ADAMTS16: variants seen among roughly 807,000 people sequenced by gnomAD.
The protein encoded by ADAMTS16 is ADAM metallopeptidase with thrombospondin type 1 motif 16, also known as A disintegrin and metalloproteinase with thrombospondin motifs 16.
In ADAMTS16, 94 loss-of-function variants were observed where a neutral mutation model predicts 145.8. The observed-to-expected ratio is 0.64, with a 90% CI of 0.55 to 0.77. The LOEUF (loss-of-function observed/expected upper bound fraction) is 0.77, where lower values mean the gene tolerates loss of function less well. Among genes scored for constraint, ADAMTS16 ranks in the 30% least tolerant of loss-of-function variants. The pLI is 0.00. For synonymous variants in ADAMTS16, 659 were observed against 604.3 expected, an observed-to-expected ratio of 1.09 and a Z score of -1.33; for missense variants, 1,585 against 1,591.5, an observed-to-expected ratio of 1.00 and a Z score of 0.07.
At chr5:5,197,313 A>G (rs1735832167) in intron 8 of ADAMTS16, among the ~76,000 whole-genome samples, 1 of 152,232 alleles carries the variant, frequency 6.6e-6, no homozygotes, top group Non-Finnish European at 1.5e-5. Context: ...AATATTGTAG[A>G]AGATGATAAA....
intron 18 of ADAMTS16, among the ~76,000 whole-genome samples, chr5:5,276,275 A>C (rs943305655): frequency 2.0e-5 from 3 of 152,160 alleles, no homozygotes; most frequent in South Asian, 2.1e-4. Context: ...TCTTTTCTTC[A>C]TCTTACCGTT....
At position 5,191,707 on chromosome 5, in the gene ADAMTS16, G is replaced by T; in HGVS notation, c.1230G>T (p.Met410Ile). The change falls in exon 8 of 23, where the codon ATG (methionine) becomes ATT (isoleucine). Residue 410 changes from methionine to isoleucine, a missense_variant. Met to Ile is a conservative substitution (Grantham distance 10). Transcript: ENST00000274181. Reference sequence around the variant, plus strand: ...CAGGATTTGCACCCATAAGTGGAATGTGTAGTAAATATCGCAGCTGCACGA... The same window carrying T: ...CAGGATTTGCACCCATAAGTGGAATTTGTAGTAAATATCGCAGCTGCACGA... ...DTLGFAPISG[M>I]CSKYRSCTIN... 6.2e-7 allele frequency: 1 copy of T among 1,613,610 alleles called. No individual in the cohort carries two copies. Among genetic ancestry groups the T allele is most frequent in the Non-Finnish European group, 8.5e-7 (1 of 1,179,646 alleles).
intron 16 of ADAMTS16, among the ~76,000 whole-genome samples, chr5:5,240,855 A>G (rs1434914588): frequency 6.6e-6 from 1 of 152,182 alleles, no homozygotes. Flanking sequence ...TGATCAATTT[A>G]TCTTGAATTC....
rs566789476 is a variant in ADAMTS16 at position 5,304,282 on chromosome 5, G to A, written c.3186+516G>A. ...AATCGATCACCTGTTGCTGCAGGAG[G>A]CTGGGAAGCCGTTTCCTCTACACCA... On this transcript the variant is annotated intron_variant, in intron 20 of 22. Transcript: ENST00000274181. 1.2e-3 allele frequency among the ~76,000 whole-genome samples: 183 copies of A among 152,294 alleles called. 1 individual carries two copies. The highest frequency in any genetic ancestry group is 3.6e-3 in the African/African-American group (151 of 41,566).
At chr5:5,155,881 C>T (rs766252250) in intron 3 of ADAMTS16, among the ~76,000 whole-genome samples, 12 of 152,050 alleles carry the variant, frequency 7.9e-5, no homozygotes, top group Non-Finnish European at 1.5e-4. Context: ...ACAGAAAGTC[C>T]ACAGGGGTTA....
At chr5:5,224,378 C>T (rs1736692941) in intron 11 of ADAMTS16, among the ~76,000 whole-genome samples, 3 of 152,170 alleles carry the variant, frequency 2.0e-5, no homozygotes. Context: ...CAACCTCCGC[C>T]TCCCAGGTTC....
intron 8 of ADAMTS16, among the ~76,000 whole-genome samples, chr5:5,199,834 T>C (rs1735908077): frequency 6.6e-6 from 1 of 152,144 alleles, no homozygotes; most frequent in Non-Finnish European, 1.5e-5. Context: ...AGAGCAGTGT[T>C]AGCCTAATCA....
In ADAMTS16 at chr5:5,212,189, G is replaced by GTTTTTTTTTTTTTTTTTT. The variant is rs200419820; in HGVS notation, c.1605+2943_1605+2944insTTTTTTTTTTTTTTTTTT. On this transcript the variant is annotated intron_variant, in intron 10 of 22. Transcript: ENST00000274181. Reference sequence around the variant, plus strand: ...TCATGTTAGTACTATTAGTTTCTGGGGTTTTTTTTGTTTTGTTTTGTTTTG... The same window carrying GTTTTTTTTTTTTTTTTTT: ...TCATGTTAGTACTATTAGTTTCTGGGTTTTTTTTTTTTTTTTTTGTTTTTTTTGTTTTGTTTTGTTTTG... 2.0e-5 allele frequency among the ~76,000 whole-genome samples: 2 copies of GTTTTTTTTTTTTTTTTTT among 98,718 alleles called. 1 individual carries two copies. The allele number at this position is 98,718 out of a possible 152,430, so 64.8% of individuals were successfully genotyped here.
chr5:5,175,178 A>T (rs1735152838), intron 3 of ADAMTS16, among the ~76,000 whole-genome samples: 1 of 152,126 alleles, frequency 6.6e-6, no homozygotes, highest in South Asian at 2.1e-4. Context: ...CCTGGGTACC[A>T]CTGCTGATTA....
chr5:5,162,454 C>A (rs1734765068), intron 3 of ADAMTS16, among the ~76,000 whole-genome samples: 1 of 152,178 alleles, frequency 6.6e-6, no homozygotes, highest in African/African-American at 2.4e-5. Context: ...GTTATCTCCT[C>A]CCAGGAACAT....
chr5:5,272,555 T>C (rs964456956), intron 18 of ADAMTS16, among the ~76,000 whole-genome samples: 29 of 151,732 alleles, frequency 1.9e-4, no homozygotes, highest in African/African-American at 6.8e-4. Flanking sequence ...TTAGTAGAGA[T>C]GGGGTTTCAC....
chr5:5,269,721 G>T lies in ADAMTS16; in HGVS notation c.2789+6938G>T, dbSNP rs537485249. ...TGGTTCCTGTTGTTTTTCTGGCTGG[G>T]TCTCCTCTGCCTCCACCTCTCTACG... is the stretch of plus-strand genomic sequence containing the variant. On this transcript the variant is annotated intron_variant, in intron 18 of 22. Coordinates refer to ENST00000274181, the MANE Select transcript of ADAMTS16 (RefSeq NM_139056.4). The surrounding 1 kb of genome is among the most constrained non-coding windows in gnomAD (Gnocchi z 4.3). Among the ~76,000 whole-genome samples the T allele has an allele frequency of 3.3e-5, 5 of 152,112 alleles. No individual in the cohort carries two copies. Among genetic ancestry groups the T allele is most frequent in the Admixed American group, 2.6e-4 (4 of 15,274 alleles).
At chr5:5,250,907 C>T (rs1316280580) in intron 17 of ADAMTS16, among the ~76,000 whole-genome samples, 2 of 152,122 alleles carry the variant, frequency 1.3e-5, no homozygotes, top group Admixed American at 6.6e-5. Flanking sequence ...CCATTCGTCC[C>T]TTTAGGCCTT....
intron 16 of ADAMTS16, 127 bp from the exon 17 acceptor site, chr5:5,241,926 T>G: frequency 8.9e-7 from 1 of 1,128,740 alleles, no homozygotes; most frequent in East Asian, 2.5e-5. Context: ...ATAGTCTGAA[T>G]GTATTTTATC....
At chr5:5,215,960 G>A (rs1199014325) in intron 10 of ADAMTS16, among the ~76,000 whole-genome samples, 1 of 141,502 alleles carries the variant, frequency 7.1e-6, no homozygotes, top group Non-Finnish European at 1.5e-5. Context: ...ATTTGGGTTG[G>A]TTTCACAATT....
At chr5:5,304,021 G>A (rs1739913992) in intron 20 of ADAMTS16, among the ~76,000 whole-genome samples, 1 of 152,166 alleles carries the variant, frequency 6.6e-6, no homozygotes, top group African/African-American at 2.4e-5. Context: ...CAGAGGACGA[G>A]AGGGTTGAGG....
In ADAMTS16 at chr5:5,317,465, G is replaced by C. The variant is rs1734102869; in HGVS notation, c.3412-669G>C. On this transcript the variant is annotated intron_variant, in intron 21 of 22. Coordinates refer to ENST00000274181, the MANE Select transcript of ADAMTS16 (RefSeq NM_139056.4). The surrounding 1 kb of genome is among the most constrained non-coding windows in gnomAD (Gnocchi z 4.5). The stretch of plus-strand genomic sequence containing the variant: ...GCTGAAGTGCTGTGGCATGATCTCA[G>C]CTCACTGCAACCTCTGCCTCCCAGG... Among the ~76,000 whole-genome samples the C allele has an allele frequency of 6.6e-6, 1 of 152,126 alleles. No individual in the cohort carries two copies. Among genetic ancestry groups the C allele is most frequent in the Admixed American group, 6.5e-5 (1 of 15,278 alleles).
chr5:5,219,414 C>T (rs11746694), intron 10 of ADAMTS16, among the ~76,000 whole-genome samples: 28,874 of 152,154 alleles, frequency 0.19, 2,907 homozygotes, highest in Middle Eastern at 0.25. Context: ...TCTCAGCCTC[C>T]GGTAACTATC....
rs73039112 is a variant in ADAMTS16 at position 5,270,945 on chromosome 5, A to G, written c.2789+8162A>G. ...CCACAGCCCCGAGGGAATAAGCCGC[A>G]CTCTCCTTCCCCACAGTTCGTGCTC... On this transcript the variant is annotated intron_variant, in intron 18 of 22. Coordinates refer to ENST00000274181, the MANE Select transcript of ADAMTS16 (RefSeq NM_139056.4). Among the ~76,000 whole-genome samples the G allele has an allele frequency of 9.7e-3, 1,465 of 151,642 alleles. 19 individuals are homozygous for G. Among genetic ancestry groups the G allele is most frequent in the African/African-American group, 0.034 (1,387 of 41,272 alleles).
Sources: allele counts gnomAD v4.1 joint callset (sites outside exome capture counted in the v4.1 genomes callset), GRCh38; gene constraint gnomAD v4.1.1; non-coding constraint Gnocchi (gnomAD v3.1); transcripts MANE v1.5; gene names NCBI Gene and HGNC (gene_info 2026-07-23, HGNC 2026-07-21).